The following INPP5F variants were observed in gnomAD, a reference collection of about 807,000 sequenced individuals.
INPP5F encodes phosphatidylinositide 4-phosphatase SAC2.
A neutral mutation model predicts 137.2 loss-of-function variants in INPP5F; 97 were observed. The ratio of observed to expected loss-of-function variants is 0.71; its 90% CI spans 0.60 to 0.84. The LOEUF is 0.84. INPP5F is among the 40% of genes least tolerant of loss of function. The pLI is 0.00. For missense variants in INPP5F, 1,271 were observed against 1,371.9 expected, an observed-to-expected ratio of 0.93 and a Z score of 1.16; for synonymous variants, 504 against 476.9, an observed-to-expected ratio of 1.06 and a Z score of -0.74.
chr10:119,741,978 G>A (rs968117256), intron 1 of INPP5F, among the ~76,000 whole-genome samples: 1 of 151,760 alleles, frequency 6.6e-6, no homozygotes, highest in African/African-American at 2.4e-5. Context: ...TTGCCACCAC[G>A]CCTGGCTAAT....
intron 3 of INPP5F, among the ~76,000 whole-genome samples, chr10:119,783,454 CA>C (rs1301039733): frequency 2.0e-5 from 3 of 152,192 alleles, no homozygotes; most frequent in Non-Finnish European, 4.4e-5. Context: ...GCATATTTGG[CA>C]CTCCCAGTTC....
chr10:119,809,247 A>G lies in INPP5F; in HGVS notation c.1570-853A>G, dbSNP rs1315618436. Reference sequence around the variant, plus strand: ...GTCTCAAAAAAAAAAAAAAAAAAAAAGCCTGGTTCAAGTTAGTGATTAAAG... The same window carrying G: ...GTCTCAAAAAAAAAAAAAAAAAAAAGGCCTGGTTCAAGTTAGTGATTAAAG... On this transcript the variant is annotated intron_variant, in intron 13 of 19. Coordinates refer to ENST00000650623, the MANE Select transcript of INPP5F (RefSeq NM_014937.4). Among the ~76,000 whole-genome samples, 5 of 151,166 alleles carry G rather than the reference A, an allele frequency of 3.3e-5. No homozygotes were observed. In the East Asian group the frequency reaches 9.7e-4, roughly 29 times the overall value.
intron 12 of INPP5F, 26 bp downstream of exon 12, chr10:119,806,506 A>G (rs1246463985): frequency 1.3e-6 from 2 of 1,555,138 alleles, no homozygotes; most frequent in African/African-American, 1.4e-5. Context: ...TTGGATTGCA[A>G]ATATTCATTT....
rs527670953 is a variant in INPP5F, at chr10:119,766,039, C to G, written c.178+14883C>G. Reference sequence around the variant, plus strand: ...AACCAGGAAAGCTGGTGGTATAGTTCCAGTCCAAGCCCAAAAACTGAGAAT... The same window carrying G: ...AACCAGGAAAGCTGGTGGTATAGTTGCAGTCCAAGCCCAAAAACTGAGAAT... On this transcript the variant is annotated intron_variant, in intron 2 of 19. Transcript: ENST00000650623. Among the ~76,000 whole-genome samples, 31 of 152,000 alleles carry G rather than the reference C, an allele frequency of 2.0e-4. No individual in the cohort carries two copies. In the South Asian group the frequency reaches 6.2e-3, roughly 31 times the overall value.
chr10:119,825,754 T>A (rs1169074677), intron 19 of INPP5F, among the ~76,000 whole-genome samples: 1 of 152,222 alleles, frequency 6.6e-6, no homozygotes, highest in Non-Finnish European at 1.5e-5. Context: ...TCTGTCAGGT[T>A]TTGTGGTCCA....
At chr10:119,776,453 GTA>G (rs962677902) in intron 2 of INPP5F, among the ~76,000 whole-genome samples, 1 of 152,104 alleles carries the variant, frequency 6.6e-6, no homozygotes, top group African/African-American at 2.4e-5. Flanking sequence ...AGGTGAGTTT[GTA>G]TATGAGATAA....
chr10:119,804,867 C>T lies in INPP5F; in HGVS notation c.1242-517C>T, dbSNP rs552020266. Among the ~76,000 whole-genome samples the T allele has an allele frequency of 2.0e-5, 3 of 152,056 alleles. No homozygotes were observed. The East Asian group carries it at 5.8e-4, about 29-fold the overall frequency. ...TCAGCCTCCCGAGTAGCTGGGACTA[C>T]GGCACGCTCCACTATGCCCGGCTAA... On this transcript the variant is annotated intron_variant, in intron 10 of 19. Transcript: ENST00000650623.
At chr10:119,823,291 C>A in intron 18 of INPP5F, 92 bp downstream of exon 18, 1 of 1,231,466 alleles carries the variant, frequency 8.1e-7, no homozygotes, top group Non-Finnish European at 1.1e-6. Context: ...ATATCATAAC[C>A]AACTGAATGA....
chr10:119,765,269 C>T (rs1467112055), intron 2 of INPP5F, among the ~76,000 whole-genome samples: 1 of 151,954 alleles, frequency 6.6e-6, no homozygotes, highest in Non-Finnish European at 1.5e-5. Context: ...GTATATAATA[C>T]AGCATACAAA....
At chr10:119,799,159 C>G in intron 9 of INPP5F, 1 of 215,212 alleles carries the variant, frequency 4.6e-6, no homozygotes, top group African/African-American at 2.4e-5. Flanking sequence ...AAACCAAAAT[C>G]AACTGAAAAC....
chr10:119,815,079 A>G (rs1851213319), intron 15 of INPP5F: 1 of 152,280 alleles, frequency 6.6e-6, no homozygotes, highest in Admixed American at 6.6e-5. Flanking sequence ...GTTAGCCAGG[A>G]TGGTCTCGAT....
At chr10:119,730,775 T>G (rs1043059787) in intron 1 of INPP5F, among the ~76,000 whole-genome samples, 6 of 140,292 alleles carry the variant, frequency 4.3e-5, no homozygotes, top group African/African-American at 1.6e-4. Flanking sequence ...ATACTCTAAG[T>G]GATGAATCCC....
intron 12 of INPP5F, among the ~76,000 whole-genome samples, chr10:119,806,901 T>C (rs1429740413): frequency 6.6e-6 from 1 of 151,792 alleles, no homozygotes; most frequent in African/African-American, 2.4e-5. Flanking sequence ...TGAAGGAGCC[T>C]GTGTCTTTTT....
At chr10:119,750,185 CTG>C (rs1175611597) in intron 1 of INPP5F, among the ~76,000 whole-genome samples, 1 of 152,190 alleles carries the variant, frequency 6.6e-6, no homozygotes, top group East Asian at 1.9e-4. Flanking sequence ...TATAATTACT[CTG>C]TGAGTTACAG....
chr10:119,779,269 C>T (rs1182625062), intron 2 of INPP5F, among the ~76,000 whole-genome samples: 1 of 152,096 alleles, frequency 6.6e-6, no homozygotes, highest in Non-Finnish European at 1.5e-5. Flanking sequence ...ATGGAACTTG[C>T]GGAACCAGAA....
At chr10:119,776,323 A>G (rs1210534588) in intron 2 of INPP5F, among the ~76,000 whole-genome samples, 1 of 146,662 alleles carries the variant, frequency 6.8e-6, no homozygotes, top group African/African-American at 2.5e-5. Flanking sequence ...ATTTTTGTAT[A>G]TGAGTAGTTA....
intron 2 of INPP5F, among the ~76,000 whole-genome samples, chr10:119,771,792 C>G (rs1413826071): frequency 7.7e-6 from 1 of 130,044 alleles, no homozygotes; most frequent in Non-Finnish European, 1.6e-5. Flanking sequence ...TTCATTATTG[C>G]TGAGCTTAAT....
chr10:119,771,455 T>A (rs1357700206), intron 2 of INPP5F, among the ~76,000 whole-genome samples: 1 of 152,090 alleles, frequency 6.6e-6, no homozygotes, highest in East Asian at 1.9e-4. Context: ...ATGTAAATAG[T>A]AGTAAAAGGT....
chr10:119,776,039 G>C (rs1849512138), intron 2 of INPP5F, among the ~76,000 whole-genome samples: 2 of 152,146 alleles, frequency 1.3e-5, no homozygotes, highest in South Asian at 4.1e-4. Context: ...GAAGTAGGCA[G>C]CTTTATCCCA....
Sources: gnomAD v4.1 joint callset for allele counts (sites outside exome capture counted in the v4.1 genomes callset) on GRCh38, gnomAD v4.1.1 for gene constraint, MANE v1.5 for transcripts, NCBI Gene and HGNC (gene_info 2026-07-23, HGNC 2026-07-21) for gene names.